Variants in PARD3 observed in about 807,000 individuals in gnomAD.
PARD3 encodes the protein par-3 family cell polarity regulator.
In PARD3, 75 loss-of-function variants were observed where a neutral mutation model predicts 155.4. The ratio of observed to expected loss-of-function variants is 0.48; its 90% confidence interval spans 0.40 to 0.58. The LOEUF is 0.58. PARD3 is among the 20% of genes least tolerant of loss of function. PARD3 has a pLI of 0.00. For synonymous variants in PARD3, 576 were observed against 610.5 expected, an observed-to-expected ratio of 0.94 and a Z score of 0.83; for missense variants, 1,642 against 1,721.7, an observed-to-expected ratio of 0.95 and a Z score of 0.82.
intron 2 of PARD3, among the ~76,000 whole-genome samples, chr10:34,598,013 T>C (rs1390839627): frequency 6.6e-6 from 1 of 152,208 alleles, no homozygotes; most frequent in East Asian, 1.9e-4. Context: ...CTGAAACCCT[T>C]TGTCTTTGAA....
chr10:34,258,623 T>C (rs1954786270), intron 22 of PARD3, among the ~76,000 whole-genome samples: 4 of 152,042 alleles, frequency 2.6e-5, no homozygotes, highest in African/African-American at 9.7e-5. Context: ...GCTAGTGAGA[T>C]CAGGCATCAT....
At chr10:34,750,196 T>C (rs1337178109) in intron 1 of PARD3, among the ~76,000 whole-genome samples, 1 of 151,578 alleles carries the variant, frequency 6.6e-6, no homozygotes, top group Non-Finnish European at 1.5e-5. Flanking sequence ...GCAAAAATTA[T>C]GAAAACAAAA....
In PARD3 at chr10:34,699,569, T is replaced by C. The variant is rs571042121; in HGVS notation, c.121-3150A>G. On this transcript the variant is annotated intron_variant, in intron 1 of 24. Coordinates refer to ENST00000374788, the MANE Select transcript of PARD3 (RefSeq NM_001184785.2). ...GTGAGAAAAAGTTAGCGCATACTTA[T>C]TGATTCCACTTTGTAGTAGTTTGCA... Among the ~76,000 whole-genome samples, 43 of 152,382 alleles carry C rather than the reference T, an allele frequency of 2.8e-4. No individual in the cohort carries two copies. The South Asian group carries it at 8.9e-3, about 32-fold the overall frequency.
chr10:34,400,979 G>A (rs1015285684), intron 6 of PARD3, among the ~76,000 whole-genome samples: 1 of 152,094 alleles, frequency 6.6e-6, no homozygotes. Flanking sequence ...GGCATGGCAA[G>A]TACTTTACTA....
At chr10:34,557,377 G>A (rs2085087165) in intron 2 of PARD3, among the ~76,000 whole-genome samples, 1 of 152,098 alleles carries the variant, frequency 6.6e-6, no homozygotes, top group Non-Finnish European at 1.5e-5. Flanking sequence ...GCCAGGGTCA[G>A]CAAAATCCCA....
chr10:34,318,524 A>G (rs1760615074), intron 19 of PARD3, among the ~76,000 whole-genome samples: 1 of 152,174 alleles, frequency 6.6e-6, no homozygotes, highest in Non-Finnish European at 1.5e-5. Flanking sequence ...TATCCTCAGT[A>G]AAATTCAGTC....
At chr10:34,801,204 C>T (rs1322628812) in intron 1 of PARD3, among the ~76,000 whole-genome samples, 1 of 152,134 alleles carries the variant, frequency 6.6e-6, no homozygotes, top group East Asian at 1.9e-4. Context: ...TTTTTCACAT[C>T]CTGTAGGAAA....
intron 5 of PARD3, among the ~76,000 whole-genome samples, chr10:34,408,746 CAATTTT>C (rs1844750247): frequency 6.6e-6 from 1 of 151,778 alleles, no homozygotes; most frequent in South Asian, 2.1e-4. Flanking sequence ...ATGTGTAATA[CAATTTT>C]AATTCATGAT....
At chr10:34,430,668 TA>T (rs1319657577) in intron 5 of PARD3, among the ~76,000 whole-genome samples, 10 of 152,174 alleles carry the variant, frequency 6.6e-5, no homozygotes, top group Non-Finnish European at 1.5e-4. Context: ...GTCACACAAC[TA>T]AAAGAAACAG....
chr10:34,774,124 A>G (rs1268413744), intron 1 of PARD3, among the ~76,000 whole-genome samples: 1 of 152,200 alleles, frequency 6.6e-6, no homozygotes, highest in Admixed American at 6.5e-5. Context: ...ATACACACCT[A>G]TTTAGAAACA....
chr10:34,167,404 T>A (rs1394181300), intron 22 of PARD3, among the ~76,000 whole-genome samples: 1 of 152,102 alleles, frequency 6.6e-6, no homozygotes, highest in Non-Finnish European at 1.5e-5. Flanking sequence ...TAATGCTTTT[T>A]CACTTTAATG....
At chr10:34,760,479 CTGCCACCA>C (rs1220711124) in intron 1 of PARD3, among the ~76,000 whole-genome samples, 1 of 152,042 alleles carries the variant, frequency 6.6e-6, no homozygotes, top group Non-Finnish European at 1.5e-5. Flanking sequence ...TTACAGGCAC[CTGCCACCA>C]TGCCCGGCTA....
intron 2 of PARD3, among the ~76,000 whole-genome samples, chr10:34,612,026 C>T (rs921897654): frequency 9.4e-5 from 14 of 148,898 alleles, no homozygotes; most frequent in Non-Finnish European, 1.9e-4. Context: ...CGGGGTTTCA[C>T]CGTGTTAGCC....
At position 34,470,234 on chromosome 10, in the gene PARD3, C is replaced by G; in HGVS notation, c.433G>C (p.Asp145His). The change falls in exon 4 of 25, where the codon GAC becomes CAC. Residue 145 changes from aspartate to histidine, a missense_variant. This residue lies in a region of PARD3 where 1,529 missense variants were observed against 1,587.3 expected (regional missense o/e 0.96). Coordinates refer to ENST00000374788, the MANE Select transcript of PARD3 (RefSeq NM_001184785.2). ...NMPLHVRRSS[D>H]PALIGLSTSV... is the part of the protein sequence containing the mutation. Reference sequence around the variant, plus strand: ...GTGGAGAGGCCAATTAGAGCTGGGTCACTACTGCGTCGAACATGAAGAGGC... The same window carrying G: ...GTGGAGAGGCCAATTAGAGCTGGGTGACTACTGCGTCGAACATGAAGAGGC... The G allele has an allele frequency of 6.2e-7, 1 of 1,611,444 alleles. No individual in the cohort carries two copies. Among genetic ancestry groups the G allele is most frequent in the Non-Finnish European group, 8.5e-7 (1 of 1,178,728 alleles).
rs531826295 is a variant in PARD3, at chr10:34,436,872, G to A, written c.714+13445C>T. ...GTATTTATATAAAAAGGTGAAAAGA[G>A]AATATGTTTCCGTATTTGCTCATAA... is the stretch of plus-strand genomic sequence containing the variant. On this transcript the variant is annotated intron_variant, in intron 5 of 24. Transcript: ENST00000374788. Among the ~76,000 whole-genome samples, 27 of 152,208 alleles carry A rather than the reference G, an allele frequency of 1.8e-4. No individual in the cohort carries two copies. The South Asian group carries it at 5.2e-3, about 29-fold the overall frequency.
intron 22 of PARD3, among the ~76,000 whole-genome samples, chr10:34,231,176 C>A (rs140556575): frequency 7.2e-6 from 1 of 138,006 alleles, no homozygotes; most frequent in East Asian, 2.2e-4. Flanking sequence ...ATTAAAATAG[C>A]TTTATATACT....
chr10:34,436,696 T>C (rs1261966266), intron 5 of PARD3, among the ~76,000 whole-genome samples: 2 of 152,110 alleles, frequency 1.3e-5, no homozygotes, highest in African/African-American at 4.8e-5. Flanking sequence ...GGATAGTAAA[T>C]AACCTTAATG....
intron 2 of PARD3, among the ~76,000 whole-genome samples, chr10:34,576,554 A>G (rs925729833): frequency 1.6e-4 from 24 of 152,180 alleles, no homozygotes; most frequent in Non-Finnish European, 8.8e-5. Context: ...ACCATATAAA[A>G]TTATAGGTAA....
chr10:34,327,402 G>A (rs1320995209), intron 19 of PARD3, among the ~76,000 whole-genome samples: 1 of 152,138 alleles, frequency 6.6e-6, no homozygotes, highest in Non-Finnish European at 1.5e-5. Flanking sequence ...ATACCACATG[G>A]ATCCCACCCC....
Sources: allele counts gnomAD v4.1 joint callset (sites outside exome capture counted in the v4.1 genomes callset), GRCh38; gene constraint gnomAD v4.1.1; regional missense constraint gnomAD v4.1.1; transcripts MANE v1.5; gene names NCBI Gene and HGNC (gene_info 2026-07-23, HGNC 2026-07-21).